PLCB1: variants seen among roughly 807,000 people sequenced by gnomAD.
PLCB1 encodes phospholipase C beta 1, also known as 1-phosphatidylinositol 4,5-bisphosphate phosphodiesterase beta-1.
Under a neutral mutation model 161.8 loss-of-function variants are expected in PLCB1, and 46 were observed. The ratio of observed to expected loss-of-function variants is 0.28; its 90% confidence interval spans 0.22 to 0.36. The LOEUF (loss-of-function observed/expected upper bound fraction) is 0.36. PLCB1 is among the 10% of genes least tolerant of loss of function. The probability of loss-of-function intolerance (pLI) is 1.00; values close to 1 mark genes in which losing one functional copy is unlikely to be tolerated. For missense variants in PLCB1, 1,016 were observed against 1,472.5 expected, an observed-to-expected ratio of 0.69 and a Z score of 5.07; for synonymous variants, 517 against 503.7, an observed-to-expected ratio of 1.03 and a Z score of -0.35.
intron 26 of PLCB1, among the ~76,000 whole-genome samples, chr20:8,766,632 T>G: frequency 6.6e-6 from 1 of 152,184 alleles, no homozygotes; most frequent in East Asian, 1.9e-4. Context: ...GAACGTGCAA[T>G]AAGATTCTAC....
chr20:8,242,327 G>A (rs1277524613), intron 2 of PLCB1, among the ~76,000 whole-genome samples: 1 of 151,952 alleles, frequency 6.6e-6, no homozygotes, highest in Non-Finnish European at 1.5e-5. Context: ...CTATGATGAG[G>A]ATAATGCTTT....
intron 3 of PLCB1, among the ~76,000 whole-genome samples, chr20:8,491,493 A>G (rs1600104511): frequency 1.3e-5 from 2 of 152,154 alleles, no homozygotes; most frequent in Middle Eastern, 6.8e-3. Flanking sequence ...CCAGACTGGA[A>G]AAGTGGTCTA....
intron 27 of PLCB1, among the ~76,000 whole-genome samples, chr20:8,776,317 T>C (rs759873454): frequency 6.6e-6 from 1 of 152,218 alleles, no homozygotes; most frequent in African/African-American, 2.4e-5. Flanking sequence ...TGGAAGGTGG[T>C]ACATTTGGGA....
At chr20:8,879,041 T>A (rs4813880) in intron 31 of PLCB1, among the ~76,000 whole-genome samples, 1 of 151,922 alleles carries the variant, frequency 6.6e-6, no homozygotes, top group Non-Finnish European at 1.5e-5. Context: ...CTCCCACTTA[T>A]AAGTGAGACT....
At chr20:8,571,240 G>A (rs2123050662) in intron 3 of PLCB1, among the ~76,000 whole-genome samples, 1 of 152,264 alleles carries the variant, frequency 6.6e-6, no homozygotes, top group South Asian at 2.1e-4. Flanking sequence ...CCAGCACTTT[G>A]GGAGGCTGGG....
chr20:8,237,255 A>G (rs1236790471), intron 2 of PLCB1, among the ~76,000 whole-genome samples: 5 of 152,122 alleles, frequency 3.3e-5, no homozygotes, highest in Admixed American at 6.6e-5. Flanking sequence ...ATCATAATAT[A>G]TGTCAATAGT....
intron 23 of PLCB1, chr20:8,750,841 G>C: frequency 7.3e-7 from 1 of 1,364,972 alleles, no homozygotes; most frequent in Non-Finnish European, 9.8e-7. Flanking sequence ...AGACTCACCC[G>C]TAATACGCTG....
At chr20:8,801,508 C>A (rs1420618147) in intron 31 of PLCB1, among the ~76,000 whole-genome samples, 1 of 152,166 alleles carries the variant, frequency 6.6e-6, no homozygotes, top group African/African-American at 2.4e-5. Flanking sequence ...CTGTTTCGTT[C>A]CCTGACGCTC....
intron 2 of PLCB1, among the ~76,000 whole-genome samples, chr20:8,231,651 AC>A (rs1471836328): frequency 6.6e-6 from 1 of 152,060 alleles, no homozygotes; most frequent in Admixed American, 6.6e-5. Flanking sequence ...GCTTCTTTGC[AC>A]GCATTCCCAA....
At chr20:8,144,146 A>G (rs1279076407) in intron 1 of PLCB1, among the ~76,000 whole-genome samples, 3 of 152,186 alleles carry the variant, frequency 2.0e-5, no homozygotes, top group Non-Finnish European at 4.4e-5. Context: ...AAAGGCCAAT[A>G]AGTACATGAA....
At chr20:8,790,963 C>T (rs556801155) in intron 31 of PLCB1, among the ~76,000 whole-genome samples, 5 of 152,136 alleles carry the variant, frequency 3.3e-5, no homozygotes, top group East Asian at 1.9e-4. Flanking sequence ...AATTTTCCTG[C>T]GCTTCTATTT....
At chr20:8,419,528 A>T (rs912076694) in intron 3 of PLCB1, among the ~76,000 whole-genome samples, 1 of 152,180 alleles carries the variant, frequency 6.6e-6, no homozygotes, top group Admixed American at 6.5e-5. Context: ...ACAGTATTCA[A>T]TAAGTTGCGA....
At chr20:8,767,707 C>T (rs1264774289) in intron 26 of PLCB1, among the ~76,000 whole-genome samples, 1 of 152,106 alleles carries the variant, frequency 6.6e-6, no homozygotes, top group East Asian at 1.9e-4. Flanking sequence ...CAGGGGGCTT[C>T]CTCTCTTGAA....
intron 3 of PLCB1, among the ~76,000 whole-genome samples, chr20:8,559,480 T>C (rs1394796955): frequency 3.9e-5 from 6 of 151,968 alleles, no homozygotes; most frequent in Admixed American, 3.9e-4. Flanking sequence ...TAATTACTTT[T>C]AAATGTAAAT....
intron 15 of PLCB1, 39 bp from the exon 16 acceptor site, chr20:8,724,617 T>C (rs1322736396): frequency 8.9e-7 from 1 of 1,121,954 alleles, no homozygotes; most frequent in Non-Finnish European, 1.4e-6. Context: ...AATATAATGC[T>C]GACTCTGGAA....
At chr20:8,495,945 A>G (rs981500935) in intron 3 of PLCB1, among the ~76,000 whole-genome samples, 26 of 152,146 alleles carry the variant, frequency 1.7e-4, no homozygotes, top group African/African-American at 2.4e-4. Context: ...GGCTTGCTTT[A>G]TTAATCACAA....
chr20:8,204,067 A>G lies in PLCB1; in HGVS notation c.177+53696A>G, dbSNP rs550569401. ...TCTGGGAGACAAAATACCTAAGACAAAATAGAATTTTGGTTTCTTTCTTCC... is the reference window on the plus strand; with the variant it reads ...TCTGGGAGACAAAATACCTAAGACAGAATAGAATTTTGGTTTCTTTCTTCC... On this transcript the variant is annotated intron_variant, in intron 2 of 31. Coordinates refer to ENST00000338037, the MANE Select transcript of PLCB1 (RefSeq NM_015192.4). Among the ~76,000 whole-genome samples the G allele has an allele frequency of 4.2e-4, 64 of 152,246 alleles. No homozygotes were observed. In the South Asian group the frequency reaches 5.2e-3, roughly 12 times the overall value.
Position 8,423,514 on chromosome 20 carries a change from A to C in PLCB1, c.246+52064A>C, listed in dbSNP as rs1429618794. ...GGAGCCAATAATTGGAAAACCCCTG[A>C]TTACCTAATGCTTGTAGCATGTCCC... On this transcript the variant is annotated intron_variant, in intron 3 of 31. Transcript: ENST00000338037. Among the ~76,000 whole-genome samples the C allele has an allele frequency of 3.3e-5, 5 of 152,196 alleles. No individual in the cohort carries two copies. In the East Asian group the frequency reaches 5.8e-4, roughly 18 times the overall value.
rs148776367 is a variant in PLCB1, at chr20:8,228,971, G to A, written c.177+78600G>A. Among the ~76,000 whole-genome samples the A allele has an allele frequency of 3.8e-3, 578 of 151,890 alleles. 7 individuals carry two copies. Among genetic ancestry groups the A allele is most frequent in the African/African-American group, 0.013 (532 of 41,400 alleles). On this transcript the variant is annotated intron_variant, in intron 2 of 31. Coordinates refer to ENST00000338037, the MANE Select transcript of PLCB1 (RefSeq NM_015192.4). ...ACTGCAGTCATCCTACATTGCTGTC[G>A]AACACTAGAACTCATTCCTTTCATC...
Sources: allele counts gnomAD v4.1 joint callset (sites outside exome capture counted in the v4.1 genomes callset), GRCh38; gene constraint gnomAD v4.1.1; transcripts MANE v1.5; gene names NCBI Gene and HGNC (gene_info 2026-07-23, HGNC 2026-07-21).